Variants in DICER1 observed in about 807,000 individuals in gnomAD.
DICER1 encodes the protein endoribonuclease Dicer.
DICER1 carries 43 observed loss-of-function variants against 194.1 expected under a neutral mutation model. The observed-to-expected ratio is 0.22, with a 90% confidence interval of 0.17 to 0.29. The LOEUF is 0.29. Ranked by LOEUF, DICER1 falls within the 10% of genes least tolerant of loss-of-function variation. The pLI, the probability that DICER1 is intolerant of heterozygous loss-of-function variation, is 1.00. For missense variants in DICER1, 1,608 were observed against 2,317.0 expected, an observed-to-expected ratio of 0.69 and a Z score of 6.28; for synonymous variants, 832 against 820.5, an observed-to-expected ratio of 1.01 and a Z score of -0.24.
At chr14:95,091,481 A>G (rs1366336080) in intron 24 of DICER1, 116 bp from the exon 25 acceptor site, 1 of 935,528 alleles carries the variant, frequency 1.1e-6, no homozygotes, top group Non-Finnish European at 1.7e-6. Flanking sequence ...TAAGGGGGGA[A>G]ATACCATTTA....
At chr14:95,094,958 C>A (rs148391304) in intron 23 of DICER1, among the ~76,000 whole-genome samples, 53 of 152,294 alleles carry the variant, frequency 3.5e-4, no homozygotes, top group Non-Finnish European at 6.9e-4. Flanking sequence ...GAACTTCCAG[C>A]AGAATGTAGT....
At chr14:95,153,602 C>A (rs189233374) in intron 1 of DICER1, among the ~76,000 whole-genome samples, 1 of 152,262 alleles carries the variant, frequency 6.6e-6, no homozygotes, top group Non-Finnish European at 1.5e-5. Flanking sequence ...GGTATGCTTC[C>A]TTTCATTAAT....
chr14:95,105,296 A>C lies in DICER1; in HGVS notation c.3094-50T>G. ...AGATAAATACAAAGCGCACACACAA[A>C]AGAAAAAAAAAAAGACCAATTTCAC... On this transcript the variant is annotated intron_variant, in intron 19 of 26. Coordinates refer to ENST00000343455, the MANE Select transcript of DICER1 (RefSeq NM_177438.3). The surrounding 1 kb of genome is among the most constrained non-coding windows in gnomAD (Gnocchi z 4.9). The C allele has an allele frequency of 6.6e-7, 1 of 1,525,422 alleles. No homozygotes were observed. Among genetic ancestry groups the C allele is most frequent in the Non-Finnish European group, 9.1e-7 (1 of 1,104,076 alleles). 94.5% of individuals were successfully genotyped at this position (1,525,422 alleles called of 1,614,324 possible).
chr14:95,141,606 C>A (rs1762308178), intron 1 of DICER1: 1 of 152,262 alleles, frequency 6.6e-6, no homozygotes, highest in Middle Eastern at 3.4e-3. Context: ...TCATTTCATA[C>A]ACAAATTTGT....
intron 1 of DICER1, among the ~76,000 whole-genome samples, chr14:95,155,597 C>A (rs1895800794): frequency 7.0e-6 from 1 of 143,636 alleles, no homozygotes; most frequent in Non-Finnish European, 1.5e-5. Context: ...TACAGCAGAG[C>A]AGTCAGGGCT....
In DICER1 at chr14:95,132,500, A is replaced by G. The variant is rs1166166506; in HGVS notation, c.307+15T>C. On this transcript the variant is annotated intron_variant, in intron 3 of 26. Transcript: ENST00000343455. ...AATTTCCCCTGCACAACTTGATAAAATAATTTTTTATTACCAGAGTTGACC... is the reference window on the plus strand; with the variant it reads ...AATTTCCCCTGCACAACTTGATAAAGTAATTTTTTATTACCAGAGTTGACC... 4 of 1,613,572 alleles carry G rather than the reference A, an allele frequency of 2.5e-6. No individual in the cohort carries two copies. Among genetic ancestry groups the G allele is most frequent in the Non-Finnish European group, 3.4e-6 (4 of 1,179,652 alleles).
At position 95,094,167 on chromosome 14, in the gene DICER1, C is replaced by T. The variant is rs769125146; in HGVS notation, c.5096-11G>A. 7 of 1,614,044 alleles carry T rather than the reference C, an allele frequency of 4.3e-6. No homozygotes were observed. The highest frequency in any genetic ancestry group is 5.1e-6 in the Non-Finnish European group (6 of 1,180,026). On this transcript the variant is annotated splice_polypyrimidine_tract_variant and intron_variant, in intron 23 of 26. Coordinates refer to ENST00000343455, the MANE Select transcript of DICER1 (RefSeq NM_177438.3). ...AGCGCTGGTAACAATCTGAGGGGAT[C>T]CGAAGTGGAACCGTAAGCTTGTGCA...
intron 8 of DICER1, among the ~76,000 whole-genome samples, chr14:95,118,535 C>A (rs956664692): frequency 1.8e-4 from 27 of 152,130 alleles, no homozygotes; most frequent in African/African-American, 6.0e-4. Flanking sequence ...TCTGTATTAA[C>A]CCACAGTGCC....
chr14:95,136,667 T>A (rs192166518), intron 1 of DICER1: 23 of 152,332 alleles, frequency 1.5e-4, no homozygotes, highest in African/African-American at 4.1e-4. Flanking sequence ...CAGCAAAAAA[T>A]TTAGGACTTT....
chr14:95,156,625 G>A (rs1160656432), intron 1 of DICER1, among the ~76,000 whole-genome samples: 1 of 152,242 alleles, frequency 6.6e-6, no homozygotes, highest in Non-Finnish European at 1.5e-5. Context: ...GTCCTCCGCA[G>A]GGTCTAGGCA....
At chr14:95,093,783 C>T in intron 24 of DICER1, 105 bp downstream of exon 24, 1 of 1,271,370 alleles carries the variant, frequency 7.9e-7, no homozygotes, top group Non-Finnish European at 1.1e-6. Flanking sequence ...TCCCACACCC[C>T]TGACCTCCTG....
rs1256068472 is a variant in DICER1 at position 95,107,621 on chromosome 14, C to T, written c.2791G>A (p.Val931Ile). The change falls in exon 17 of 27, where the codon GTT becomes ATT. Residue 931 changes from valine to isoleucine, a missense_variant. By Grantham distance (29) the Val-to-Ile change is conservative. This residue lies in a region of DICER1 where 150 missense variants were observed against 216.0 expected (regional missense o/e 0.69). Transcript: ENST00000343455. ...TTAAATACCTACCTTGGAATGATAA[C>T]GGCATCTTGGTAATCTTCTAATTTA... is the stretch of plus-strand genomic sequence containing the variant. ...VFKLEDYQDA[V>I]IIPRYRNFDQ... is the part of the protein sequence containing the mutation. 1.9e-6 allele frequency: 3 copies of T among 1,613,824 alleles called. No homozygotes were observed. The highest frequency in any genetic ancestry group is 1.7e-5 in the Admixed American group (1 of 60,014).
At chr14:95,125,223 C>A (rs1318509772) in intron 7 of DICER1, among the ~76,000 whole-genome samples, 1 of 151,966 alleles carries the variant, frequency 6.6e-6, no homozygotes, top group Non-Finnish European at 1.5e-5. Context: ...TTCTTTCTTT[C>A]TTTCTAAACA....
At chr14:95,109,976 G>C (rs551984794) in intron 14 of DICER1, among the ~76,000 whole-genome samples, 1 of 152,068 alleles carries the variant, frequency 6.6e-6, no homozygotes, top group Admixed American at 6.6e-5. Context: ...ATGTACAAAC[G>C]TATTTTAAAA....
rs1388248804 is a variant in DICER1 at position 95,091,114 on chromosome 14, A to G, written c.5528-5T>C. On this transcript the variant is annotated splice_region_variant and splice_polypyrimidine_tract_variant and intron_variant, in intron 25 of 26. Coordinates refer to ENST00000343455, the MANE Select transcript of DICER1 (RefSeq NM_177438.3). ...GTACATTTGCAGAAAACTTTTCTGC[A>G]ATCAAAATGAAAGAATAATATGAAT... 1.2e-6 allele frequency: 2 copies of G among 1,614,142 alleles called. No homozygotes were observed. Among genetic ancestry groups the G allele is most frequent in the Non-Finnish European group, 1.7e-6 (2 of 1,179,980 alleles).
In DICER1 at chr14:95,115,670, T is replaced by C. The variant is rs765551529; in HGVS notation, c.1904A>G (p.Asn635Ser). Residue 635 changes from asparagine (N) to serine (S), a missense_variant, in exon 11 of 27, where the codon AAT (asparagine) becomes AGT (serine). Coordinates refer to ENST00000343455, the MANE Select transcript of DICER1 (RefSeq NM_177438.3). The part of the protein sequence containing the change: ...VTINTAIGHI[N>S]RYCARLPSDP... ...CACAAATGATATGATGCCATACCTATTGATGTGTCCAATGGCCGTGTTGAT... is the reference window on the plus strand; with the variant it reads ...CACAAATGATATGATGCCATACCTACTGATGTGTCCAATGGCCGTGTTGAT... 3.7e-6 allele frequency: 6 copies of C among 1,614,150 alleles called. No individual in the cohort carries two copies. The highest frequency in any genetic ancestry group is 1.1e-5 in the South Asian group (1 of 91,082).
chr14:95,145,270 C>G (rs1299850646), intron 1 of DICER1, among the ~76,000 whole-genome samples: 6 of 152,146 alleles, frequency 3.9e-5, no homozygotes, highest in African/African-American at 1.4e-4. Flanking sequence ...TTTTCCTCCC[C>G]TACATTCCAA....
chr14:95,112,339 T>C (rs1892053189), intron 12 of DICER1, 92 bp from the exon 13 acceptor site: 1 of 1,041,880 alleles, frequency 9.6e-7, no homozygotes, highest in East Asian at 2.4e-5. Flanking sequence ...CCCCAACATT[T>C]TTAAAGTTCA....
Position 95,096,567 on chromosome 14 carries a change from T to C in DICER1, c.4353A>G (p.Arg1451=). Residue 1451 remains arginine, a synonymous_variant, in exon 23 of 27, where the codon AGA becomes AGG. Coordinates refer to ENST00000343455, the MANE Select transcript of DICER1 (RefSeq NM_177438.3). ...DFLEYDQEHI[R]FIDNMLMGSG... ...ACCCCATTAACATATTATCTATAAA[T>C]CTGATATGTTCCTGATCATACTCCA... 1 of 1,613,244 alleles carries C rather than the reference T, an allele frequency of 6.2e-7. No individual in the cohort carries two copies. Among genetic ancestry groups the C allele is most frequent in the South Asian group, 1.1e-5 (1 of 91,042 alleles).
Sources: allele counts gnomAD v4.1 joint callset (sites outside exome capture counted in the v4.1 genomes callset), GRCh38; gene constraint gnomAD v4.1.1; regional missense constraint gnomAD v4.1.1; non-coding constraint Gnocchi (gnomAD v3.1); transcripts MANE v1.5; gene names NCBI Gene and HGNC (gene_info 2026-07-23, HGNC 2026-07-21).